HS6ST2: variants seen among roughly 807,000 people sequenced by gnomAD.
HS6ST2 encodes heparan-sulfate 6-O-sulfotransferase 2.
A neutral mutation model predicts 33.0 loss-of-function variants in HS6ST2; 17 were observed. The ratio of observed to expected loss-of-function variants is 0.52; its 90% CI spans 0.35 to 0.77. The LOEUF is 0.77. Ranked by LOEUF, HS6ST2 falls within the 30% of genes least tolerant of loss-of-function variation. The pLI, the probability that HS6ST2 is intolerant of heterozygous loss-of-function variation, is 0.01. For synonymous variants in HS6ST2, 248 were observed against 237.1 expected, an observed-to-expected ratio of 1.05 and a Z score of -0.42; for missense variants, 519 against 551.7, an observed-to-expected ratio of 0.94 and a Z score of 0.59.
At chrX:132,752,662 G>T (rs754092944) in intron 2 of HS6ST2, among the ~76,000 whole-genome samples, 1 of 111,385 alleles carries the variant, frequency 9.0e-6, no homozygotes, top group East Asian at 2.8e-4. Context: ...ACATCTTTCT[G>T]CCAAGTCAAG....
In HS6ST2 at chrX:132,834,890, G is replaced by C. The variant is rs147860779; in HGVS notation, c.947+121918C>G. Among the ~76,000 whole-genome samples, 1,005 of 111,760 alleles carry C rather than the reference G, an allele frequency of 9.0e-3. 9 individuals are homozygous for C. The highest frequency in any genetic ancestry group is 0.014 in the Non-Finnish European group (718 of 53,125). On this transcript the variant is annotated intron_variant, in intron 2 of 4. Transcript: ENST00000370833. ...AAACATGAGGGCATAGGTGGCTCTCGCTTTCTCCCTAAGTGTTATTAGTGC... is the reference window on the plus strand; with the variant it reads ...AAACATGAGGGCATAGGTGGCTCTCCCTTTCTCCCTAAGTGTTATTAGTGC...
intron 2 of HS6ST2, among the ~76,000 whole-genome samples, chrX:132,849,319 C>A (rs754049746): frequency 9.0e-6 from 1 of 111,303 alleles, no homozygotes; most frequent in African/African-American, 3.3e-5. Flanking sequence ...TACTCTACTG[C>A]TGGCTTTTAA....
intron 2 of HS6ST2, among the ~76,000 whole-genome samples, chrX:132,737,843 G>A (rs1480562581): frequency 1.8e-5 from 2 of 112,352 alleles, no homozygotes; most frequent in Non-Finnish European, 3.8e-5. Context: ...TGGGAGGGCT[G>A]GTGTGACTTC....
At chrX:132,792,279 A>C (rs1277912777) in intron 2 of HS6ST2, among the ~76,000 whole-genome samples, 1 of 111,810 alleles carries the variant, frequency 8.9e-6, no homozygotes, top group Non-Finnish European at 1.9e-5. Context: ...CCATGGCATC[A>C]ATGCTCTTCA....
At chrX:132,670,738 G>A (rs771596173) in intron 3 of HS6ST2, among the ~76,000 whole-genome samples, 9 of 112,704 alleles carry the variant, frequency 8.0e-5, no homozygotes, top group South Asian at 7.4e-4. Flanking sequence ...GCTTGAACCC[G>A]GGAGGTGGAG....
intron 2 of HS6ST2, among the ~76,000 whole-genome samples, chrX:132,873,709 GATGA>G (rs1382762282): frequency 9.0e-6 from 1 of 111,488 alleles, no homozygotes; most frequent in Non-Finnish European, 1.9e-5. Context: ...AGAATGAATG[GATGA>G]ATGAATGAAT....
intron 2 of HS6ST2, among the ~76,000 whole-genome samples, chrX:132,720,510 G>T (rs2064318426): frequency 9.0e-6 from 1 of 110,690 alleles, no homozygotes; most frequent in African/African-American, 3.3e-5. Context: ...AATTTAAAGG[G>T]ATCTTTCCAA....
intron 3 of HS6ST2, chrX:132,669,642 A>T (rs1436917668): frequency 8.8e-6 from 1 of 113,498 alleles, no homozygotes; most frequent in Non-Finnish European, 1.9e-5. Flanking sequence ...AATGACTTCT[A>T]AAAGTCTTTG....
At chrX:132,670,682 G>A (rs1049792084) in intron 3 of HS6ST2, among the ~76,000 whole-genome samples, 6 of 112,127 alleles carry the variant, frequency 5.4e-5, no homozygotes, top group Middle Eastern at 4.6e-3. Context: ...GCATGGTGGC[G>A]GGCGTCTGTA....
intron 2 of HS6ST2, among the ~76,000 whole-genome samples, chrX:132,794,577 T>TGATGATG (rs1160771963): frequency 9.1e-5 from 7 of 77,032 alleles, no homozygotes; most frequent in African/African-American, 3.6e-4. Context: ...TGATGATGAT[T>TGATGATG]ATTATTATTA....
chrX:132,706,331 A>G (rs1489173130), intron 3 of HS6ST2, among the ~76,000 whole-genome samples: 1 of 112,195 alleles, frequency 8.9e-6, no homozygotes, highest in Admixed American at 9.5e-5. Flanking sequence ...ATAGAGGTCT[A>G]TTGTTAAAAT....
chrX:132,682,537 G>A (rs1351157407), intron 3 of HS6ST2, among the ~76,000 whole-genome samples: 2 of 111,964 alleles, frequency 1.8e-5, no homozygotes, highest in Admixed American at 9.5e-5. Context: ...ATCCTTTGTG[G>A]CTTGGGGGCA....
intron 2 of HS6ST2, among the ~76,000 whole-genome samples, chrX:132,867,900 C>T (rs1388721203): frequency 8.1e-5 from 9 of 111,569 alleles, no homozygotes. Flanking sequence ...AACCAGCTAG[C>T]ATCATAATGA....
chrX:132,627,372 T>C lies in HS6ST2; in HGVS notation c.*851A>G, dbSNP rs1015703118. 3.6e-5 allele frequency: 4 copies of C among 112,323 alleles called. No homozygotes were observed. The highest frequency in any genetic ancestry group is 5.6e-5 in the Non-Finnish European group (3 of 53,158). 9.3% of individuals were successfully genotyped at this position (112,323 alleles called of 1,213,427 possible). A position where few individuals can be genotyped will look rare whatever the true frequency, so the allele number is the denominator to read the frequency against. On this transcript the variant is annotated 3_prime_UTR_variant, in exon 5 of 5. Coordinates refer to ENST00000370833, the MANE Select transcript of HS6ST2 (RefSeq NM_001394073.1). ...AGAAAGATTCTATACATGGGTTAAT[T>C]TGGAATGAGCACAATTCAGAGAAGC...
chrX:132,952,801 G>A (rs1471061446), intron 2 of HS6ST2, among the ~76,000 whole-genome samples: 1 of 111,023 alleles, frequency 9.0e-6, no homozygotes, highest in African/African-American at 3.3e-5. Flanking sequence ...GGCAATGAAA[G>A]GCCCCTCTGC....
chrX:132,705,099 T>C lies in HS6ST2; in HGVS notation c.980+3363A>G, dbSNP rs191408642. Among the ~76,000 whole-genome samples, 245 of 110,500 alleles carry C rather than the reference T, an allele frequency of 2.2e-3. 1 individual carries two copies. Among genetic ancestry groups the C allele is most frequent in the African/African-American group, 6.8e-3 (205 of 30,362 alleles). The stretch of plus-strand genomic sequence containing the variant: ...GGTGAAGTTACCCAGGGAGAAAATA[T>C]AGCAACAGAAGAGAAGCAGATCAAT... On this transcript the variant is annotated intron_variant, in intron 3 of 4. Coordinates refer to ENST00000370833, the MANE Select transcript of HS6ST2 (RefSeq NM_001394073.1).
intron 2 of HS6ST2, among the ~76,000 whole-genome samples, chrX:132,926,983 C>G (rs7058203): frequency 0.011 from 1,247 of 110,725 alleles, 20 homozygotes; most frequent in African/African-American, 0.039. Context: ...AGTACTGAGC[C>G]CCCCCATCCA....
chrX:132,781,017 G>T (rs993078470), intron 2 of HS6ST2, among the ~76,000 whole-genome samples: 1 of 111,885 alleles, frequency 8.9e-6, no homozygotes, highest in African/African-American at 3.3e-5. Context: ...ATGCTATTGT[G>T]GACTGTAGCT....
At chrX:132,750,349 A>AG (rs1200295511) in intron 2 of HS6ST2, among the ~76,000 whole-genome samples, 5 of 103,866 alleles carry the variant, frequency 4.8e-5, no homozygotes, top group African/African-American at 1.7e-4. Context: ...CCCATCAAGA[A>AG]AAAAAAAAAA....
Sources: gnomAD v4.1 joint callset for allele counts (sites outside exome capture counted in the v4.1 genomes callset) on GRCh38, gnomAD v4.1.1 for gene constraint, MANE v1.5 for transcripts, NCBI Gene and HGNC (gene_info 2026-07-23, HGNC 2026-07-21) for gene names.